MEIG1: variants seen among roughly 807,000 people sequenced by gnomAD.
MEIG1 encodes the protein meiosis/spermiogenesis associated 1.
MEIG1 carries 12 observed loss-of-function variants against 11.3 expected under a neutral mutation model. That is an observed-to-expected ratio of 1.07 (90% CI 0.68 to 1.73). The LOEUF is 1.73. Ranked by LOEUF, MEIG1 falls within the 40% of genes most tolerant of loss-of-function variation. The pLI is 0.00. For missense variants in MEIG1, 119 were observed against 104.9 expected (o/e 1.13, Z -0.59); for synonymous variants, 41 against 33.2 (o/e 1.24, Z -0.81).
intron 1 of MEIG1, among the ~76,000 whole-genome samples, chr10:14,964,838 A>T (rs1360316924): frequency 6.6e-6 from 1 of 151,200 alleles, no homozygotes; most frequent in Non-Finnish European, 1.5e-5. Context: ...CCCAGGCTAA[A>T]GTGCAATGGT....
intron 1 of MEIG1, among the ~76,000 whole-genome samples, chr10:14,962,810 G>A (rs905853342): frequency 6.6e-6 from 1 of 151,716 alleles, no homozygotes; most frequent in Non-Finnish European, 1.5e-5. Context: ...TGTCACCCAG[G>A]CTGGAGTGCA....
At chr10:14,959,236 C>T (rs762052410), upstream of MEIG1, among the ~76,000 whole-genome samples, 2 of 152,236 alleles carry the variant, frequency 1.3e-5, no homozygotes, top group Non-Finnish European at 2.9e-5. Flanking sequence ...CCTGGCAGCG[C>T]TCCTACCTGG....
downstream of MEIG1, among the ~76,000 whole-genome samples, chr10:14,973,769 C>CAAAAG (rs750177012): frequency 5.2e-4 from 47 of 90,478 alleles, 2 homozygotes; most frequent in Non-Finnish European, 7.8e-4. Context: ...GACTCCATCT[C>CAAAAG]AAAAAAAAAA....
intron 1 of MEIG1, among the ~76,000 whole-genome samples, chr10:14,984,250 T>A (rs111849618): frequency 4.7e-5 from 7 of 149,862 alleles, no homozygotes; most frequent in African/African-American, 1.7e-4. Flanking sequence ...ATATCCAGGG[T>A]GGGAGAGGGG....
downstream of MEIG1, among the ~76,000 whole-genome samples, chr10:14,974,102 C>G (rs61605007): frequency 9.1e-3 from 1,389 of 152,306 alleles, 22 homozygotes; most frequent in African/African-American, 0.03. Flanking sequence ...CTGAGCTCCC[C>G]TCTTTAATCC....
chr10:14,973,424 GC>G (rs1290957073), downstream of MEIG1, among the ~76,000 whole-genome samples: 1 of 152,006 alleles, frequency 6.6e-6, no homozygotes, highest in Non-Finnish European at 1.5e-5. Context: ...AAGGAATAAT[GC>G]CCCCCATGGA....
At chr10:14,954,639 G>T (rs553705925), upstream of MEIG1, among the ~76,000 whole-genome samples, 1 of 152,114 alleles carries the variant, frequency 6.6e-6, no homozygotes, top group Middle Eastern at 3.4e-3. Flanking sequence ...TGATCTTGGG[G>T]CAAATAAGAT....
At chr10:14,960,442 G>A (rs1464427721) in intron 1 of MEIG1, among the ~76,000 whole-genome samples, 1 of 152,040 alleles carries the variant, frequency 6.6e-6, no homozygotes, top group Non-Finnish European at 1.5e-5. Flanking sequence ...TTTTTGAGAC[G>A]GAGTCTCGCT....
chr10:14,962,335 T>C (rs1337861043), intron 1 of MEIG1, among the ~76,000 whole-genome samples: 1 of 152,156 alleles, frequency 6.6e-6, no homozygotes, highest in African/African-American at 2.4e-5. Context: ...ACCACTTATA[T>C]AGCGTAGTTA....
intron 2 of MEIG1, among the ~76,000 whole-genome samples, chr10:14,972,041 G>T (rs531430848): frequency 6.6e-6 from 1 of 151,580 alleles, no homozygotes; most frequent in East Asian, 1.9e-4. Context: ...CCGAGGCAGG[G>T]TCTTGTTCTG....
At chr10:14,960,877 AAAT>A (rs1179593166) in intron 1 of MEIG1, among the ~76,000 whole-genome samples, 1 of 152,026 alleles carries the variant, frequency 6.6e-6, no homozygotes, top group Non-Finnish European at 1.5e-5. Flanking sequence ...AAATACAAAA[AAAT>A]TAACCAGGCA....
At chr10:14,972,467 A>G (rs1198486740) in intron 2 of MEIG1, 46 bp from the exon 3 acceptor site, 2 of 1,612,172 alleles carry the variant, frequency 1.2e-6, no homozygotes, top group Admixed American at 3.3e-5. Context: ...TGAGATAAAA[A>G]TCAACCCTCC....
chr10:14,967,148 A>G (rs1029339993), intron 2 of MEIG1, among the ~76,000 whole-genome samples: 1 of 151,474 alleles, frequency 6.6e-6, no homozygotes, highest in Non-Finnish European at 1.5e-5. Flanking sequence ...TTATTGAGCA[A>G]CTGTGCTCTG....
chr10:14,958,789 G>A (rs1842976611), upstream of MEIG1, among the ~76,000 whole-genome samples: 1 of 152,044 alleles, frequency 6.6e-6, no homozygotes, highest in Non-Finnish European at 1.5e-5. Context: ...CCAGCTACTC[G>A]GGAGGCTGAG....
At chr10:14,976,059 G>T (rs61705588), downstream of MEIG1, among the ~76,000 whole-genome samples, 13,225 of 152,194 alleles carry the variant, frequency 0.087, 1,230 homozygotes, top group East Asian at 0.33. Flanking sequence ...GGACCGGGGG[G>T]TGATATTACT....
rs999099545 is a variant in MEIG1 at position 14,986,183 on chromosome 10, G to A, written n.67-613G>A. On this transcript the variant is annotated intron_variant and non_coding_transcript_variant, in intron 1 of 2. Coordinates refer to the MEIG1 transcript ENST00000467536. ...TAACCATGAAATACAACATTAGCTG[G>A]GCGTGCTGGCGCATGCCTGTAATCC... is the stretch of plus-strand genomic sequence containing the variant. 5.3e-5 allele frequency among the ~76,000 whole-genome samples: 8 copies of A among 152,148 alleles called. No individual in the cohort carries two copies. The South Asian group carries it at 8.3e-4, about 16-fold the overall frequency.
chr10:14,963,995 G>C (rs764145898), intron 1 of MEIG1, among the ~76,000 whole-genome samples: 20 of 151,948 alleles, frequency 1.3e-4, no homozygotes, highest in Non-Finnish European at 2.5e-4. Context: ...CTACTCAGGA[G>C]GCTGAGGCAG....
intron 1 of MEIG1, among the ~76,000 whole-genome samples, chr10:14,961,411 C>T (rs913527957): frequency 5.3e-5 from 8 of 152,078 alleles, no homozygotes; most frequent in Non-Finnish European, 1.2e-4. Context: ...TTTCACAAAC[C>T]AGAAACTCAG....
At chr10:14,977,796 T>A (rs563820778), downstream of MEIG1, among the ~76,000 whole-genome samples, 97 of 152,070 alleles carry the variant, frequency 6.4e-4, no homozygotes, top group African/African-American at 2.3e-3. Context: ...ACACAGTGGG[T>A]GTACACCATG....
Sources: gnomAD v4.1 joint callset for allele counts (sites outside exome capture counted in the v4.1 genomes callset) on GRCh38, gnomAD v4.1.1 for gene constraint, MANE v1.5 for transcripts, NCBI Gene and HGNC (gene_info 2026-07-23, HGNC 2026-07-21) for gene names.